Variants in HAO1 observed in about 807,000 individuals in gnomAD.
The protein encoded by HAO1 is 2-Hydroxyacid oxidase 1.
HAO1 carries 34 observed loss-of-function variants against 39.7 expected under a neutral mutation model. The ratio of observed to expected loss-of-function variants is 0.86; its 90% CI spans 0.65 to 1.14. The LOEUF (loss-of-function observed/expected upper bound fraction) is 1.14. Ranked by LOEUF, HAO1 falls within the 50% of genes most tolerant of loss-of-function variation. The pLI, the probability that HAO1 is intolerant of heterozygous loss-of-function variation, is 0.00. For synonymous variants in HAO1, 172 were observed against 173.2 expected, an observed-to-expected ratio of 0.99 and a Z score of 0.05; for missense variants, 479 against 464.5, an observed-to-expected ratio of 1.03 and a Z score of -0.29.
chr20:7,906,515 A>G (rs750579998), intron 3 of HAO1, among the ~76,000 whole-genome samples, 186 bp from the exon 4 acceptor site: 1 of 152,182 alleles, frequency 6.6e-6, no homozygotes, highest in Non-Finnish European at 1.5e-5. Context: ...GTGATACTCT[A>G]GTGGTCTTAA....
At chr20:7,925,338 G>A (rs1025162915) in intron 2 of HAO1, among the ~76,000 whole-genome samples, 5 of 152,044 alleles carry the variant, frequency 3.3e-5, no homozygotes, top group African/African-American at 7.2e-5. Flanking sequence ...CCCATTGAAC[G>A]AATCCGGAGC....
At chr20:7,902,909 C>T (rs191074163) in intron 4 of HAO1, among the ~76,000 whole-genome samples, 1 of 152,286 alleles carries the variant, frequency 6.6e-6, no homozygotes, top group East Asian at 1.9e-4. Context: ...CATTAAAATA[C>T]AATTATTAAA....
At chr20:7,903,900 T>TGGC (rs1555773674) in intron 4 of HAO1, among the ~76,000 whole-genome samples, 3 of 150,484 alleles carry the variant, frequency 2.0e-5, no homozygotes, top group Non-Finnish European at 4.4e-5. Flanking sequence ...GTGGTGGTGG[T>TGGC]GGCAGTGGTC....
At chr20:7,887,977 A>G (rs1297725444) in intron 5 of HAO1, among the ~76,000 whole-genome samples, 1 of 152,186 alleles carries the variant, frequency 6.6e-6, no homozygotes, top group African/African-American at 2.4e-5. Flanking sequence ...AAATAAATAC[A>G]GTAGACAGAC....
At chr20:7,929,151 C>T (rs745772441) in intron 2 of HAO1, among the ~76,000 whole-genome samples, 40 of 151,972 alleles carry the variant, frequency 2.6e-4, no homozygotes, top group Non-Finnish European at 5.4e-4. Context: ...CTAAAAGTAC[C>T]TTTTTTTCCC....
chr20:7,934,628 G>A lies in HAO1; in HGVS notation c.145C>T (p.Leu49=). The A allele has an allele frequency of 6.3e-7, 1 of 1,591,244 alleles. No individual in the cohort carries two copies. The highest frequency in any genetic ancestry group is 2.3e-5 in the East Asian group (1 of 44,296). ...DNIAAFSRWK[L]YPRMLRNVAE... is the part of the protein sequence containing the mutation. ...ACATTCCGGAGCATCCTTGGATACA[G>A]CTTCCATCTAGAATTAAAAAATAAA... Residue 49 remains leucine, a synonymous_variant, in exon 2 of 8, where the codon CTG becomes TTG. Coordinates refer to ENST00000378789, the MANE Select transcript of HAO1 (RefSeq NM_017545.3).
Position 7,883,472 on chromosome 20 carries a change from A to C in HAO1, c.*121T>G, listed in dbSNP as rs912886005. ...AGGGATTGCTATTTTGTTGGAAAAGAACGACACCCTTTGTATTGAAGTGGG... is the reference window on the plus strand; with the variant it reads ...AGGGATTGCTATTTTGTTGGAAAAGCACGACACCCTTTGTATTGAAGTGGG... On this transcript the variant is annotated 3_prime_UTR_variant, in exon 8 of 8. Transcript: ENST00000378789. 1.2e-5 allele frequency: 9 copies of C among 764,636 alleles called. No homozygotes were observed. Among genetic ancestry groups the C allele is most frequent in the African/African-American group, 3.5e-5 (2 of 57,950 alleles). 47.4% of individuals were successfully genotyped at this position (764,636 alleles called of 1,614,324 possible).
Position 7,927,401 on chromosome 20 carries a change from C to A in HAO1, c.289+7083G>T, listed in dbSNP as rs187338828. Among the ~76,000 whole-genome samples, 236 of 152,102 alleles carry A rather than the reference C, an allele frequency of 1.6e-3. 1 individual carries two copies. The highest frequency in any genetic ancestry group is 5.5e-3 in the African/African-American group (230 of 41,522). On this transcript the variant is annotated intron_variant, in intron 2 of 7. Transcript: ENST00000378789. ...ATTCAAAAAAATAAATAAAAATGAT[C>A]TGCTAGAGTTTCAAACGGATGTGCC...
chr20:7,895,067 G>A, intron 5 of HAO1, 66 bp downstream of exon 5: 1 of 969,710 alleles, frequency 1.0e-6, no homozygotes, highest in Non-Finnish European at 1.7e-6. Context: ...GGAAGACATA[G>A]AGATAGTAAC....
At chr20:7,902,115 G>A (rs2050223783) in intron 4 of HAO1, among the ~76,000 whole-genome samples, 1 of 152,192 alleles carries the variant, frequency 6.6e-6, no homozygotes, top group Non-Finnish European at 1.5e-5. Flanking sequence ...GAACATTGCT[G>A]AAATAACAAC....
intron 4 of HAO1, among the ~76,000 whole-genome samples, chr20:7,900,739 G>A (rs1164078019): frequency 2.6e-5 from 4 of 152,016 alleles, no homozygotes; most frequent in Non-Finnish European, 5.9e-5. Flanking sequence ...ACTCTACAAT[G>A]GCTTCTAAGC....
intron 5 of HAO1, among the ~76,000 whole-genome samples, chr20:7,890,460 C>T (rs1200426389): frequency 4.6e-5 from 7 of 152,064 alleles, no homozygotes; most frequent in South Asian, 4.2e-4. Context: ...GTGATCTGCC[C>T]GTCTTGGCCT....
At chr20:7,904,566 T>C (rs1282647756) in intron 4 of HAO1, among the ~76,000 whole-genome samples, 1 of 152,226 alleles carries the variant, frequency 6.6e-6, no homozygotes, top group African/African-American at 2.4e-5. Flanking sequence ...TGAAAAGTGT[T>C]TTCTAACCCA....
intron 4 of HAO1, among the ~76,000 whole-genome samples, chr20:7,900,730 C>A (rs988251320): frequency 6.6e-6 from 1 of 152,154 alleles, no homozygotes; most frequent in Non-Finnish European, 1.5e-5. Context: ...CAACTAATAA[C>A]TCTACAATGG....
Position 7,906,205 on chromosome 20 carries a change from A to G in HAO1, c.670T>C (p.Trp224Arg), listed in dbSNP as rs766540254. The change falls in exon 4 of 8, where the codon TGG (tryptophan) becomes CGG (arginine). Residue 224 changes from tryptophan to arginine, a missense_variant. Coordinates refer to ENST00000378789, the MANE Select transcript of HAO1 (RefSeq NM_017545.3). ...GGCAATGATGTCAGTCTTCTCAGCC[A>G]TTTGATATCTTCCCAGCTGATAGAT... ...DPSISWEDIK[W>R]LRRLTSLPIV... 8.7e-6 allele frequency: 14 copies of G among 1,613,284 alleles called. No homozygotes were observed. Among genetic ancestry groups the G allele is most frequent in the Non-Finnish European group, 1.2e-5 (14 of 1,179,384 alleles).
intron 3 of HAO1, among the ~76,000 whole-genome samples, chr20:7,911,189 A>C (rs1288796173): frequency 6.6e-6 from 1 of 152,162 alleles, no homozygotes; most frequent in East Asian, 1.9e-4. Flanking sequence ...CATTGAGTCT[A>C]CTTTAAAGCA....
At position 7,883,352 on chromosome 20, in the gene HAO1, CT is replaced by C; in HGVS notation, c.*240del. On this transcript the variant is annotated 3_prime_UTR_variant, in exon 8 of 8. Transcript: ENST00000378789. ...TGTCTAAACACATTTTCAATGTTTT[CT>C]TTTTAACAGTTAATATATTTCCAGG... 1.9e-6 allele frequency: 1 copy of C among 525,556 alleles called. No homozygotes were observed. Among genetic ancestry groups the C allele is most frequent in the Non-Finnish European group, 3.4e-6 (1 of 292,764 alleles). 32.6% of individuals were successfully genotyped at this position (525,556 alleles called of 1,614,324 possible). A position where few individuals can be genotyped will look rare whatever the true frequency, so the allele number is the denominator to read the frequency against.
At chr20:7,911,625 A>T (rs921605849) in intron 3 of HAO1, among the ~76,000 whole-genome samples, 2 of 152,134 alleles carry the variant, frequency 1.3e-5, no homozygotes, top group African/African-American at 4.8e-5. Context: ...TGTGTTTTGC[A>T]TATGGACCAA....
intron 2 of HAO1, among the ~76,000 whole-genome samples, chr20:7,928,501 T>C (rs1449192508): frequency 2.6e-5 from 4 of 151,890 alleles, no homozygotes; most frequent in Admixed American, 1.3e-4. Flanking sequence ...TTTTCTTTTT[T>C]TTTTTTTTGT....
Sources: allele counts gnomAD v4.1 joint callset (sites outside exome capture counted in the v4.1 genomes callset), GRCh38; gene constraint gnomAD v4.1.1; transcripts MANE v1.5; gene names NCBI Gene and HGNC (gene_info 2026-07-23, HGNC 2026-07-21).